The following SLCO4C1 variants were observed in gnomAD, a reference collection of about 807,000 sequenced individuals.
The protein encoded by SLCO4C1 is solute carrier organic anion transporter family member 4C1.
In SLCO4C1, 58 loss-of-function variants were observed where a neutral mutation model predicts 72.1. That is an observed-to-expected ratio of 0.80 (90% confidence interval 0.65 to 1.00). The LOEUF is 1.00. Ranked by LOEUF, SLCO4C1 falls within the 50% of genes least tolerant of loss-of-function variation. The pLI is 0.00. For missense variants in SLCO4C1, 898 were observed against 857.9 expected, an observed-to-expected ratio of 1.05 and a Z score of -0.58; for synonymous variants, 297 against 312.5, an observed-to-expected ratio of 0.95 and a Z score of 0.52.
intron 3 of SLCO4C1, among the ~76,000 whole-genome samples, chr5:102,267,206 T>C (rs376562547): frequency 1.3e-5 from 2 of 152,194 alleles, no homozygotes; most frequent in Admixed American, 6.5e-5. Flanking sequence ...TGGTGCTAAG[T>C]TCTTCTTTAC....
chr5:102,238,911 T>A (rs939684046), intron 12 of SLCO4C1, among the ~76,000 whole-genome samples: 9 of 152,178 alleles, frequency 5.9e-5, no homozygotes, highest in African/African-American at 2.2e-4. Flanking sequence ...TAGATGACAA[T>A]CATTCCAGGG....
At chr5:102,272,781 C>CA in intron 2 of SLCO4C1, among the ~76,000 whole-genome samples, 1 of 9,570 alleles carries the variant, frequency 1.0e-4, no homozygotes, top group Non-Finnish European at 2.0e-4. Context: ...CATGGTAAAA[C>CA]CCGTCTCTAC....
chr5:102,239,455 A>G, intron 11 of SLCO4C1, 67 bp from the exon 12 acceptor site: 3 of 1,087,248 alleles, frequency 2.8e-6, no homozygotes, highest in Non-Finnish European at 3.7e-6. Flanking sequence ...ATCTTTTTAT[A>G]CATGATCATA....
chr5:102,286,385 T>C lies in SLCO4C1; in HGVS notation c.619+4958A>G, dbSNP rs780937745. Among the ~76,000 whole-genome samples, 12 of 152,254 alleles carry C rather than the reference T, an allele frequency of 7.9e-5. No individual in the cohort carries two copies. In the South Asian group the frequency reaches 8.3e-4, roughly 11 times the overall value. On this transcript the variant is annotated intron_variant, in intron 2 of 12. Transcript: ENST00000310954. ...AAAGAGACATAAAGATTATTTTGCA[T>C]GGTAACATTAAAATAACACTCATCT...
intron 2 of SLCO4C1, among the ~76,000 whole-genome samples, chr5:102,280,379 A>G (rs1268368669): frequency 1.3e-5 from 2 of 151,998 alleles, no homozygotes; most frequent in Non-Finnish European, 2.9e-5. Context: ...AAAAAGAAAT[A>G]CTTAGATGTT....
At chr5:102,255,186 A>G (rs893887788) in intron 8 of SLCO4C1, among the ~76,000 whole-genome samples, 3 of 151,310 alleles carry the variant, frequency 2.0e-5, no homozygotes, top group Admixed American at 1.3e-4. Context: ...AGAAACATGT[A>G]TGTGTATTAA....
chr5:102,255,398 G>C (rs1748815940), intron 8 of SLCO4C1, among the ~76,000 whole-genome samples: 1 of 152,106 alleles, frequency 6.6e-6, no homozygotes, highest in Admixed American at 6.5e-5. Context: ...AAACTATCCA[G>C]AACTTCCTTT....
intron 2 of SLCO4C1, among the ~76,000 whole-genome samples, chr5:102,284,763 T>C (rs930021678): frequency 1.3e-5 from 2 of 152,174 alleles, no homozygotes; most frequent in East Asian, 1.9e-4. Context: ...CTAAAGGACA[T>C]GGATTTTTTA....
At chr5:102,275,569 GA>G (rs761552207) in intron 2 of SLCO4C1, among the ~76,000 whole-genome samples, 1 of 152,134 alleles carries the variant, frequency 6.6e-6, no homozygotes. Context: ...AGACTTTGAA[GA>G]GAGACTCCAA....
At chr5:102,268,259 A>G (rs565685239) in intron 3 of SLCO4C1, among the ~76,000 whole-genome samples, 2 of 152,226 alleles carry the variant, frequency 1.3e-5, no homozygotes, top group South Asian at 4.1e-4. Context: ...ATATATGTGC[A>G]TGCTCTGGTG....
At chr5:102,251,304 G>A (rs1430778613) in intron 8 of SLCO4C1, among the ~76,000 whole-genome samples, 1 of 152,178 alleles carries the variant, frequency 6.6e-6, no homozygotes, top group Non-Finnish European at 1.5e-5. Flanking sequence ...TGAATTTGAA[G>A]AAAGGGGACC....
chr5:102,272,206 C>T (rs936727761), intron 2 of SLCO4C1, among the ~76,000 whole-genome samples: 8 of 152,150 alleles, frequency 5.3e-5, no homozygotes, highest in Non-Finnish European at 7.4e-5. Context: ...AACCAAAAAG[C>T]ACATCTTTTA....
chr5:102,282,126 A>T (rs1395443639), intron 2 of SLCO4C1, among the ~76,000 whole-genome samples: 1 of 152,086 alleles, frequency 6.6e-6, no homozygotes, highest in Non-Finnish European at 1.5e-5. Context: ...TCAGAAAATT[A>T]CTCAGACTAA....
intron 11 of SLCO4C1, among the ~76,000 whole-genome samples, chr5:102,239,903 C>T (rs1333288530): frequency 2.0e-5 from 3 of 151,830 alleles, no homozygotes; most frequent in East Asian, 1.9e-4. Flanking sequence ...CTTATATACC[C>T]GCCACCATTT....
chr5:102,291,941 G>T (rs1327735991), intron 1 of SLCO4C1, among the ~76,000 whole-genome samples: 1 of 151,826 alleles, frequency 6.6e-6, no homozygotes, highest in Non-Finnish European at 1.5e-5. Flanking sequence ...CCTGCCTCAG[G>T]CTCTGGAGTA....
At chr5:102,287,762 G>A (rs1439280042) in intron 2 of SLCO4C1, among the ~76,000 whole-genome samples, 2 of 151,776 alleles carry the variant, frequency 1.3e-5, no homozygotes, top group East Asian at 3.9e-4. Context: ...CACTGTGTTG[G>A]CCAGGCTGGT....
chr5:102,252,609 A>C (rs141564980), intron 8 of SLCO4C1, among the ~76,000 whole-genome samples: 80 of 152,314 alleles, frequency 5.3e-4, no homozygotes, highest in African/African-American at 1.9e-3. Flanking sequence ...GCAATTTTTA[A>C]AGTTCCCAAT....
chr5:102,241,007 C>T (rs1370506263), intron 10 of SLCO4C1, among the ~76,000 whole-genome samples: 1 of 152,046 alleles, frequency 6.6e-6, no homozygotes, highest in Non-Finnish European at 1.5e-5. Flanking sequence ...CAAAGAGTCA[C>T]TAGTCTTTAT....
chr5:102,286,890 A>G (rs528411180), intron 2 of SLCO4C1, among the ~76,000 whole-genome samples: 10 of 144,848 alleles, frequency 6.9e-5, no homozygotes, highest in African/African-American at 2.6e-4. Context: ...GAAATCATAC[A>G]TGTTTATCAT....
Sources: gnomAD v4.1 joint callset for allele counts (sites outside exome capture counted in the v4.1 genomes callset) on GRCh38, gnomAD v4.1.1 for gene constraint, MANE v1.5 for transcripts, NCBI Gene and HGNC (gene_info 2026-07-23, HGNC 2026-07-21) for gene names.